ST6GALNAC6: variants seen among roughly 807,000 people sequenced by gnomAD.
ST6GALNAC6 encodes ST6 N-acetylgalactosaminide alpha-2,6-sialyltransferase 6.
Under a neutral mutation model 34.3 loss-of-function variants are expected in ST6GALNAC6, and 19 were observed. The ratio of observed to expected loss-of-function variants is 0.55; its 90% CI spans 0.39 to 0.81. ST6GALNAC6 has a LOEUF of 0.81. ST6GALNAC6 is among the 40% of genes least tolerant of loss of function. ST6GALNAC6 has a pLI of 0.00. For missense variants in ST6GALNAC6, 377 were observed against 467.7 expected, an observed-to-expected ratio of 0.81 and a Z score of 1.79; for synonymous variants, 185 against 182.1, an observed-to-expected ratio of 1.02 and a Z score of -0.13.
rs1210858424 is a variant in ST6GALNAC6 at position 127,898,020 on chromosome 9, G to GATGA, written c.-29-11_-29-10insTCAT. Reference sequence around the variant, plus strand: ...GCCTCAGTTTCCTCATCTGTGAAATGGGAACAATAAGAGTCGGTAACTCAA... The same window carrying GATGA: ...GCCTCAGTTTCCTCATCTGTGAAATGATGAGGAACAATAAGAGTCGGTAACTCAA... On this transcript the variant is annotated splice_polypyrimidine_tract_variant and intron_variant, in intron 1 of 6. Coordinates refer to ENST00000373146, the MANE Select transcript of ST6GALNAC6 (RefSeq NM_013443.5). 7.8e-7 allele frequency: 1 copy of GATGA among 1,285,822 alleles called. No homozygotes were observed. The highest frequency in any genetic ancestry group is 1.1e-6 in the Non-Finnish European group (1 of 897,134). The allele number at this position is 1,285,822 out of a possible 1,614,324, so 79.7% of individuals were successfully genotyped here.
chr9:127,886,542 G>C lies in ST6GALNAC6; in HGVS notation c.*57C>G, dbSNP rs1003536708. The stretch of plus-strand genomic sequence containing the variant: ...GCCAGAAGATGGTCCCTGGCCTAGC[G>C]GCTGGGCGGAGGCTGCTTCTCCTCT... On this transcript the variant is annotated 3_prime_UTR_variant, in exon 7 of 7. Transcript: ENST00000373146. 1 of 1,600,346 alleles carries C rather than the reference G, an allele frequency of 6.2e-7. No homozygotes were observed. The highest frequency in any genetic ancestry group is 8.5e-7 in the Non-Finnish European group (1 of 1,172,854).
upstream of ST6GALNAC6, among the ~76,000 whole-genome samples, chr9:127,902,234 C>T (rs1830782364): frequency 6.6e-6 from 1 of 152,220 alleles, no homozygotes; most frequent in Admixed American, 6.5e-5. Context: ...TCTCGGCTCA[C>T]TGCAAGCTCC....
intron 4 of ST6GALNAC6, among the ~76,000 whole-genome samples, chr9:127,893,139 A>G (rs1205184662): frequency 1.3e-5 from 2 of 152,186 alleles, no homozygotes; most frequent in Non-Finnish European, 2.9e-5. Flanking sequence ...AGGACCACCT[A>G]GGGAAACATA....
Position 127,899,408 on chromosome 9 carries a change from C to A in ST6GALNAC6, c.-30+95G>T, listed in dbSNP as rs868165258. The A allele has an allele frequency of 4.3e-6, 3 of 695,494 alleles. No individual in the cohort carries two copies. In the South Asian group the frequency reaches 1.8e-4, roughly 42 times the overall value. The allele number at this position is 695,494 out of a possible 1,614,324, so 43.1% of individuals were successfully genotyped here. ...GGGGGACCCGCATCCATCCCCATCC[C>A]CGGCGATTAGCAATCTCCTCTCCCG... On this transcript the variant is annotated intron_variant, in intron 1 of 6. Transcript: ENST00000373146.
intron 4 of ST6GALNAC6, among the ~76,000 whole-genome samples, 193 bp downstream of exon 4, chr9:127,894,319 G>T (rs1830316263): frequency 6.6e-6 from 1 of 152,150 alleles, no homozygotes; most frequent in South Asian, 2.1e-4. Flanking sequence ...AGCAATAAGG[G>T]TGGGGACTTG....
chr9:127,896,997 T>C, intron 2 of ST6GALNAC6: 1 of 967,224 alleles, frequency 1.0e-6, no homozygotes, highest in Non-Finnish European at 1.2e-6. Flanking sequence ...GACTCAAGTC[T>C]GAGAGGCTCG....
intron 3 of ST6GALNAC6, among the ~76,000 whole-genome samples, chr9:127,895,244 C>T (rs1404452142): frequency 1.3e-5 from 2 of 152,220 alleles, no homozygotes; most frequent in Non-Finnish European, 2.9e-5. Flanking sequence ...ACAGACACTG[C>T]AGGAGGAAAA....
chr9:127,891,510 G>C lies in ST6GALNAC6; in HGVS notation c.298-467C>G, dbSNP rs764908625. 2.0e-5 allele frequency among the ~76,000 whole-genome samples: 3 copies of C among 151,280 alleles called. No homozygotes were observed. The East Asian group carries it at 5.8e-4, about 29-fold the overall frequency. ...CGCGTGCCTGTAATCACAGCTACTC[G>C]GGAGACTAAGGCACAAGAATTGCTC... On this transcript the variant is annotated intron_variant, in intron 4 of 6. Transcript: ENST00000373146.
chr9:127,893,369 T>C (rs1335048368), intron 4 of ST6GALNAC6, among the ~76,000 whole-genome samples: 1 of 152,112 alleles, frequency 6.6e-6, no homozygotes, highest in East Asian at 1.9e-4. Context: ...AGAACCACCT[T>C]GTTATTAAGG....
chr9:127,903,857 C>A (rs1264173303), upstream of ST6GALNAC6: 2 of 152,370 alleles, frequency 1.3e-5, no homozygotes, highest in East Asian at 3.9e-4. Flanking sequence ...CTGTCCCCAG[C>A]CCTTCTCACT....
intron 1 of ST6GALNAC6, among the ~76,000 whole-genome samples, chr9:127,898,961 C>A (rs1349450661): frequency 6.6e-6 from 1 of 152,232 alleles, no homozygotes; most frequent in South Asian, 2.1e-4. Flanking sequence ...GCTGGACGTG[C>A]AGGCGAGCTG....
upstream of ST6GALNAC6, among the ~76,000 whole-genome samples, chr9:127,906,252 A>C (rs1363775702): frequency 1.3e-5 from 2 of 152,048 alleles, no homozygotes; most frequent in Non-Finnish European, 2.9e-5. Flanking sequence ...CAAAAAAAAA[A>C]CAAAAAACAA....
intron 2 of ST6GALNAC6, chr9:127,896,975 G>C: frequency 1.0e-6 from 1 of 981,474 alleles, no homozygotes; most frequent in Non-Finnish European, 1.2e-6. Flanking sequence ...TCTCTCGGGG[G>C]CTAAGGGCAC....
intron 6 of ST6GALNAC6, 52 bp from the exon 7 acceptor site, chr9:127,886,840 C>T: frequency 1.3e-6 from 2 of 1,519,392 alleles, no homozygotes; most frequent in Non-Finnish European, 1.8e-6. Context: ...CTGGCAGGGT[C>T]CTTGCCCTTT....
rs1239494689 is a variant in ST6GALNAC6 at position 127,886,570 on chromosome 9, C to A, written c.*29G>T. On this transcript the variant is annotated 3_prime_UTR_variant, in exon 7 of 7. Transcript: ENST00000373146. ...TGGGCGGAGGCTGCTTCTCCTCTGA[C>A]CCTCCTGAGGTCCCACAGGCTGGGT... 6.2e-7 allele frequency: 1 copy of A among 1,612,260 alleles called. No homozygotes were observed. The highest frequency in any genetic ancestry group is 8.5e-7 in the Non-Finnish European group (1 of 1,179,058).
chr9:127,898,220 C>T (rs1830588303), intron 1 of ST6GALNAC6, among the ~76,000 whole-genome samples: 1 of 152,036 alleles, frequency 6.6e-6, no homozygotes. Flanking sequence ...TGGTGAAACC[C>T]CGTCTCTACT....
rs752866527 is a variant in ST6GALNAC6 at position 127,894,685 on chromosome 9, G to A, written c.124C>T (p.Arg42Trp). The A allele has an allele frequency of 5.9e-5, 96 of 1,613,746 alleles. No individual in the cohort carries two copies. In the Middle Eastern group the frequency reaches 8.2e-4, roughly 14 times the overall value. ...RREMSSNKEQRSAVFVILFAL... is the reference protein window; with the variant it reads ...RREMSSNKEQWSAVFVILFAL... ...AAGAGGATCACGAACACTGCTGACC[G>A]CTGCTCCTGGAGAGAGGAGAGGTCA... Residue 42 changes from arginine (R) to tryptophan (W), a missense_variant, in exon 4 of 7, where the codon CGG (arginine) becomes TGG (tryptophan). Coordinates refer to ENST00000373146, the MANE Select transcript of ST6GALNAC6 (RefSeq NM_013443.5).
intron 1 of ST6GALNAC6, 38 bp from the exon 2 acceptor site, chr9:127,898,048 G>T: frequency 9.5e-7 from 1 of 1,049,164 alleles, no homozygotes; most frequent in Non-Finnish European, 1.4e-6. Flanking sequence ...TAACTCAAGG[G>T]GTTGTTGGAA....
intron 4 of ST6GALNAC6, among the ~76,000 whole-genome samples, chr9:127,893,187 T>C (rs1830252305): frequency 6.6e-6 from 1 of 152,026 alleles, no homozygotes; most frequent in South Asian, 2.1e-4. Context: ...AAGGCTCCAA[T>C]GTGGAAATAA....
Sources: allele counts gnomAD v4.1 joint callset (sites outside exome capture counted in the v4.1 genomes callset), GRCh38; gene constraint gnomAD v4.1.1; transcripts MANE v1.5; gene names NCBI Gene and HGNC (gene_info 2026-07-23, HGNC 2026-07-21).